Variants in PHKB observed in about 807,000 individuals in gnomAD.
The protein encoded by PHKB is phosphorylase b kinase regulatory subunit beta.
Under a neutral mutation model 152.1 loss-of-function variants are expected in PHKB, and 122 were observed. That is an observed-to-expected ratio of 0.80 (90% CI 0.69 to 0.93). The LOEUF (loss-of-function observed/expected upper bound fraction) is 0.93, where lower values mean the gene tolerates loss of function less well. Ranked by LOEUF, PHKB falls within the 40% of genes least tolerant of loss-of-function variation. PHKB has a pLI of 0.00. For missense variants in PHKB, 1,304 were observed against 1,328.4 expected (o/e 0.98, Z 0.29); for synonymous variants, 436 against 464.9 (o/e 0.94, Z 0.80).
chr16:47,515,208 T>C (rs1310795019), intron 5 of PHKB, among the ~76,000 whole-genome samples: 1 of 152,236 alleles, frequency 6.6e-6, no homozygotes, highest in Non-Finnish European at 1.5e-5. Flanking sequence ...GATATGTTCC[T>C]ATTTTTTTCA....
At chr16:47,513,851 T>C (rs982540905) in intron 5 of PHKB, among the ~76,000 whole-genome samples, 41 of 152,358 alleles carry the variant, frequency 2.7e-4, no homozygotes, top group African/African-American at 9.9e-4. Context: ...TTTATTGAGA[T>C]ACAATTCACG....
chr16:47,582,208 A>G (rs948648406), intron 8 of PHKB, among the ~76,000 whole-genome samples: 5 of 152,168 alleles, frequency 3.3e-5, no homozygotes, highest in Non-Finnish European at 7.4e-5. Context: ...TGGCTGTTAC[A>G]TGGTAGTAGC....
chr16:47,674,308 G>T (rs1288187767), intron 26 of PHKB, among the ~76,000 whole-genome samples: 1 of 152,066 alleles, frequency 6.6e-6, no homozygotes, highest in African/African-American at 2.4e-5. Context: ...AGAGAAAATG[G>T]GATGATTCTA....
At chr16:47,593,097 A>G (rs1042222048) in intron 10 of PHKB, among the ~76,000 whole-genome samples, 3 of 149,918 alleles carry the variant, frequency 2.0e-5, no homozygotes, top group African/African-American at 7.4e-5. Context: ...GAGAAGAAAG[A>G]AAGAAAGAAA....
intron 13 of PHKB, among the ~76,000 whole-genome samples, chr16:47,600,054 T>C (rs895507186): frequency 2.6e-5 from 4 of 152,202 alleles, no homozygotes; most frequent in African/African-American, 9.6e-5. Context: ...ATGAAAATAA[T>C]ATAACAGTGA....
chr16:47,667,607 C>A (rs150993646), intron 25 of PHKB, among the ~76,000 whole-genome samples: 1 of 152,136 alleles, frequency 6.6e-6, no homozygotes, highest in Non-Finnish European at 1.5e-5. Context: ...ATTCTCACCT[C>A]CAGCCAGAGT....
chr16:47,650,838 C>T lies in PHKB; in HGVS notation c.1888C>T (p.Arg630Trp), dbSNP rs747479623. ...LIREDNIRGS[R>W]FNPILDMLAA... ...TTTATTTATATTTTTTAGAGGTAGC[C>T]GGTTCAACCCCATATTAGATATGCT... Residue 630 changes from arginine to tryptophan, a missense_variant, in exon 20 of 31, where the codon CGG becomes TGG. Physicochemically the swap from Arg to Trp is moderately radical, Grantham distance 101. Coordinates refer to ENST00000323584, the MANE Select transcript of PHKB (RefSeq NM_000293.3). 7 of 1,610,660 alleles carry T rather than the reference C, an allele frequency of 4.3e-6. No homozygotes were observed. Among genetic ancestry groups the T allele is most frequent in the African/African-American group, 1.3e-5 (1 of 74,842 alleles).
intron 1 of PHKB, among the ~76,000 whole-genome samples, chr16:47,480,875 A>G (rs890124952): frequency 6.6e-6 from 1 of 152,158 alleles, no homozygotes; most frequent in Admixed American, 6.5e-5. Flanking sequence ...ATAGACATGA[A>G]AAAAATTTTA....
At chr16:47,588,500 T>A (rs897830972) in intron 9 of PHKB, among the ~76,000 whole-genome samples, 1 of 152,210 alleles carries the variant, frequency 6.6e-6, no homozygotes, top group African/African-American at 2.4e-5. Flanking sequence ...ATATTGGATA[T>A]TGTCCCATAC....
intron 27 of PHKB, among the ~76,000 whole-genome samples, chr16:47,692,963 G>T (rs1974088025): frequency 1.3e-5 from 2 of 152,088 alleles, no homozygotes; most frequent in South Asian, 4.2e-4. Context: ...TCTGGGAGAG[G>T]TGTATAGGAC....
At chr16:47,675,534 C>T (rs1206568898) in intron 26 of PHKB, 3 of 151,926 alleles carry the variant, frequency 2.0e-5, no homozygotes, top group Non-Finnish European at 4.4e-5. Flanking sequence ...CTCTCTCTCT[C>T]TCTCTCTCTC....
At chr16:47,695,814 A>G (rs1252686834) in intron 28 of PHKB, among the ~76,000 whole-genome samples, 1 of 152,252 alleles carries the variant, frequency 6.6e-6, no homozygotes, top group Non-Finnish European at 1.5e-5. Flanking sequence ...GAAGAAATGA[A>G]TGGAAAACTA....
chr16:47,557,996 A>G (rs1391915655), intron 7 of PHKB, among the ~76,000 whole-genome samples: 1 of 151,860 alleles, frequency 6.6e-6, no homozygotes. Flanking sequence ...AATGTCCAAC[A>G]ATGATAGACT....
At chr16:47,494,267 G>A (rs1970197436) in intron 1 of PHKB, among the ~76,000 whole-genome samples, 3 of 152,302 alleles carry the variant, frequency 2.0e-5, no homozygotes, top group East Asian at 1.9e-4. Flanking sequence ...AAATCTATGT[G>A]GAAGCATAGA....
At chr16:47,610,473 A>G (rs1448401185) in intron 13 of PHKB, among the ~76,000 whole-genome samples, 1 of 152,128 alleles carries the variant, frequency 6.6e-6, no homozygotes, top group Non-Finnish European at 1.5e-5. Flanking sequence ...ATCAGAAAGT[A>G]TATTAGAATA....
Position 47,494,664 on chromosome 16 carries a change from G to A in PHKB, c.77-2735G>A, listed in dbSNP as rs116816186. Among the ~76,000 whole-genome samples, 248 of 152,258 alleles carry A rather than the reference G, an allele frequency of 1.6e-3. 2 individuals are homozygous for A. Among genetic ancestry groups the A allele is most frequent in the African/African-American group, 5.5e-3 (228 of 41,552 alleles). On this transcript the variant is annotated intron_variant, in intron 1 of 30. Transcript: ENST00000323584. ...TGATGTTTGCGTATAGACATAATGC[G>A]AATGGGAAAAGCATGGAAAAGAAAA...
chr16:47,512,266 G>T (rs374830954), intron 5 of PHKB, among the ~76,000 whole-genome samples: 5 of 152,188 alleles, frequency 3.3e-5, no homozygotes, highest in African/African-American at 9.7e-5. Flanking sequence ...AAAGTGAAAT[G>T]GCAGCCACCA....
At chr16:47,475,458 G>A (rs544953791) in intron 1 of PHKB, among the ~76,000 whole-genome samples, 3 of 152,112 alleles carry the variant, frequency 2.0e-5, no homozygotes, top group Non-Finnish European at 2.9e-5. Flanking sequence ...TTTGAGTAAC[G>A]GAACATTCTA....
At chr16:47,591,661 A>C (rs1157615479) in intron 10 of PHKB, among the ~76,000 whole-genome samples, 1 of 152,064 alleles carries the variant, frequency 6.6e-6, no homozygotes, top group African/African-American at 2.4e-5. Flanking sequence ...AGCTTCAGCT[A>C]TAGCTATTAA....
Sources: allele counts gnomAD v4.1 joint callset (sites outside exome capture counted in the v4.1 genomes callset), GRCh38; gene constraint gnomAD v4.1.1; transcripts MANE v1.5; gene names NCBI Gene and HGNC (gene_info 2026-07-23, HGNC 2026-07-21).